Variants in CLSTN2 observed in about 807,000 individuals in gnomAD.
CLSTN2 encodes the protein calsyntenin 2, also known as calsyntenin-2.
A neutral mutation model predicts 101.2 loss-of-function variants in CLSTN2; 48 were observed. The ratio of observed to expected loss-of-function variants is 0.47; its 90% CI spans 0.38 to 0.60. The LOEUF (loss-of-function observed/expected upper bound fraction) is 0.60. Ranked by LOEUF, CLSTN2 falls within the 20% of genes least tolerant of loss-of-function variation. The probability of loss-of-function intolerance (pLI) is 0.00; values close to 1 mark genes in which losing one functional copy is unlikely to be tolerated. For missense variants in CLSTN2, 1,160 were observed against 1,238.2 expected (o/e 0.94, Z 0.95); for synonymous variants, 481 against 463.6 (o/e 1.04, Z -0.48).
At chr3:140,060,725 C>T (rs368836550) in intron 1 of CLSTN2, among the ~76,000 whole-genome samples, 6 of 152,182 alleles carry the variant, frequency 3.9e-5, no homozygotes, top group African/African-American at 7.2e-5. Context: ...ACAAGGCCTG[C>T]GGTTGACCTG....
chr3:140,079,498 C>T (rs1201532190), intron 1 of CLSTN2, among the ~76,000 whole-genome samples: 1 of 152,010 alleles, frequency 6.6e-6, no homozygotes, highest in Non-Finnish European at 1.5e-5. Context: ...ACCTGTAATC[C>T]CAGCACTTTG....
chr3:140,413,950 G>T (rs769586645), intron 4 of CLSTN2, among the ~76,000 whole-genome samples: 18 of 152,058 alleles, frequency 1.2e-4, no homozygotes, highest in Non-Finnish European at 2.1e-4. Flanking sequence ...CATACTCCAC[G>T]GTGAAAAGTT....
At chr3:140,165,758 G>C (rs1041476612) in intron 1 of CLSTN2, among the ~76,000 whole-genome samples, 1 of 152,142 alleles carries the variant, frequency 6.6e-6, no homozygotes, top group African/African-American at 2.4e-5. Context: ...TCCTATCCTG[G>C]CCTGACTGAA....
At chr3:140,158,935 C>G (rs2010002319) in intron 1 of CLSTN2, among the ~76,000 whole-genome samples, 2 of 152,082 alleles carry the variant, frequency 1.3e-5, no homozygotes, top group Non-Finnish European at 2.9e-5. Flanking sequence ...GGGGAAAGAA[C>G]ACCCTATTCA....
At position 140,057,447 on chromosome 3, in the gene CLSTN2, C is replaced by T. The variant is rs141566773; in HGVS notation, c.110-118504C>T. ...TGTTGGCCTTCCCTGACAGTAGCAA[C>T]GTTCTTCATTCTTAGATCCCTTTCA... On this transcript the variant is annotated intron_variant, in intron 1 of 16. Coordinates refer to ENST00000458420, the MANE Select transcript of CLSTN2 (RefSeq NM_022131.3). Among the ~76,000 whole-genome samples the T allele has an allele frequency of 1.7e-3, 265 of 152,286 alleles. 1 individual carries two copies. The highest frequency in any genetic ancestry group is 0.017 in the Middle Eastern group (5 of 294).
At chr3:140,003,509 G>A (rs1336420194) in intron 1 of CLSTN2, among the ~76,000 whole-genome samples, 1 of 151,980 alleles carries the variant, frequency 6.6e-6, no homozygotes, top group Non-Finnish European at 1.5e-5. Context: ...TTCCAATTTG[G>A]ATGCCCTTTA....
In CLSTN2 at chr3:140,571,183, G is replaced by A. The variant is rs775710802; in HGVS notation, c.*4930G>A. On this transcript the variant is annotated 3_prime_UTR_variant, in exon 17 of 17. Coordinates refer to ENST00000458420, the MANE Select transcript of CLSTN2 (RefSeq NM_022131.3). ...CTGAGCAGGAGTGTTCATTATCTCAGACTGATTTTCATTTCAGCCCTACTC... is the reference window on the plus strand; with the variant it reads ...CTGAGCAGGAGTGTTCATTATCTCAAACTGATTTTCATTTCAGCCCTACTC... 1 of 152,084 alleles carries A rather than the reference G, an allele frequency of 6.6e-6. No individual in the cohort carries two copies. Among genetic ancestry groups the A allele is most frequent in the Non-Finnish European group, 1.5e-5 (1 of 68,032 alleles). The allele number at this position is 152,084 out of a possible 1,614,324, so 9.4% of individuals were successfully genotyped here.
chr3:140,111,053 A>G (rs2009147325), intron 1 of CLSTN2, among the ~76,000 whole-genome samples: 1 of 152,168 alleles, frequency 6.6e-6, no homozygotes, highest in African/African-American at 2.4e-5. Context: ...CTGCACATCC[A>G]AGGTTTAATG....
In CLSTN2 at chr3:140,566,276, C is replaced by T; in HGVS notation, c.*23C>T. On this transcript the variant is annotated 3_prime_UTR_variant, in exon 17 of 17. Transcript: ENST00000458420. The stretch of plus-strand genomic sequence containing the variant: ...TAGTGCCCAGGGGTCTGCTGCCTGG[C>T]CCACATGTCCCTTTTGTAAACCCTG... 1 of 1,548,474 alleles carries T rather than the reference C, an allele frequency of 6.5e-7. No homozygotes were observed. Among genetic ancestry groups the T allele is most frequent in the Non-Finnish European group, 8.7e-7 (1 of 1,145,286 alleles).
intron 2 of CLSTN2, among the ~76,000 whole-genome samples, chr3:140,387,617 G>A (rs1468020621): frequency 3.9e-5 from 6 of 152,178 alleles, no homozygotes; most frequent in South Asian, 2.1e-4. Context: ...CTCTCTGCCC[G>A]AAGTGGCCCT....
At chr3:140,360,312 G>T (rs1213334664) in intron 2 of CLSTN2, among the ~76,000 whole-genome samples, 2 of 152,174 alleles carry the variant, frequency 1.3e-5, no homozygotes, top group Non-Finnish European at 2.9e-5. Context: ...GGCAGGCTTA[G>T]GTGAGCATGG....
chr3:140,090,133 T>C (rs1290760639), intron 1 of CLSTN2, among the ~76,000 whole-genome samples: 1 of 150,492 alleles, frequency 6.6e-6, no homozygotes, highest in Middle Eastern at 3.2e-3. Context: ...GGGGCTGATA[T>C]CTTTCTGGCA....
At position 140,021,366 on chromosome 3, in the gene CLSTN2, G is replaced by A. The variant is rs1321050159; in HGVS notation, c.109+85883G>A. ...CTAATGGCAGTTATGTGCCAGTGAT[G>A]GACTGAAAGCAGAGCAGGACTGTCA... On this transcript the variant is annotated intron_variant, in intron 1 of 16. Transcript: ENST00000458420. Among the ~76,000 whole-genome samples the A allele has an allele frequency of 2.0e-5, 3 of 152,312 alleles. No homozygotes were observed. In the East Asian group the frequency reaches 5.8e-4, roughly 29 times the overall value.
chr3:140,268,268 A>G (rs1186757285), intron 2 of CLSTN2, among the ~76,000 whole-genome samples: 1 of 152,090 alleles, frequency 6.6e-6, no homozygotes, highest in Non-Finnish European at 1.5e-5. Flanking sequence ...GTACGTAGAG[A>G]AAGGAGCAGT....
intron 2 of CLSTN2, among the ~76,000 whole-genome samples, chr3:140,339,424 T>C (rs1029616306): frequency 6.6e-6 from 1 of 152,188 alleles, no homozygotes; most frequent in Non-Finnish European, 1.5e-5. Flanking sequence ...AGGGATTTAA[T>C]TTGCTAATCA....
At chr3:140,070,024 G>A (rs538164077) in intron 1 of CLSTN2, among the ~76,000 whole-genome samples, 2 of 152,336 alleles carry the variant, frequency 1.3e-5, no homozygotes, top group East Asian at 3.9e-4. Flanking sequence ...ATGACAGTGG[G>A]AAAGTGCTCC....
intron 1 of CLSTN2, among the ~76,000 whole-genome samples, chr3:139,984,692 C>A (rs1935993394): frequency 6.6e-6 from 1 of 152,124 alleles, no homozygotes; most frequent in African/African-American, 2.4e-5. Flanking sequence ...CTCTTCTGAG[C>A]TCTGCTTACA....
In CLSTN2 at chr3:140,237,971, A is replaced by G. The variant is rs137916554; in HGVS notation, c.232+61898A>G. On this transcript the variant is annotated intron_variant, in intron 2 of 16. Coordinates refer to ENST00000458420, the MANE Select transcript of CLSTN2 (RefSeq NM_022131.3). ...TGTCTCAAAAGCATTTCTGTAAATC[A>G]AGTCAAAATCTTAATAATTTGGTAG... Among the ~76,000 whole-genome samples, 21 of 152,328 alleles carry G rather than the reference A, an allele frequency of 1.4e-4. No individual in the cohort carries two copies. In the East Asian group the frequency reaches 4.1e-3, roughly 29 times the overall value.
chr3:140,089,016 A>G (rs1019303928), intron 1 of CLSTN2, among the ~76,000 whole-genome samples: 2 of 152,180 alleles, frequency 1.3e-5, no homozygotes, highest in African/African-American at 2.4e-5. Context: ...AGACAAAAAA[A>G]AGCACAAACA....
Sources: gnomAD v4.1 joint callset for allele counts (sites outside exome capture counted in the v4.1 genomes callset) on GRCh38, gnomAD v4.1.1 for gene constraint, MANE v1.5 for transcripts, NCBI Gene and HGNC (gene_info 2026-07-23, HGNC 2026-07-21) for gene names.